The following RPAIN variants were observed in gnomAD, a reference collection of about 807,000 sequenced individuals.
The protein encoded by RPAIN is RPA-interacting protein.
RPAIN carries 29 observed loss-of-function variants against 30.5 expected under a neutral mutation model. That is an observed-to-expected ratio of 0.95 (90% confidence interval 0.71 to 1.30). The LOEUF (loss-of-function observed/expected upper bound fraction) is 1.30. RPAIN is among the 50% of genes most tolerant of loss of function. The probability of loss-of-function intolerance (pLI) is 0.00; values close to 1 mark genes in which losing one functional copy is unlikely to be tolerated. For synonymous variants in RPAIN, 101 were observed against 93.5 expected (o/e 1.08, Z -0.46); for missense variants, 247 against 264.7 (o/e 0.93, Z 0.46).
intron 5 of RPAIN, chr17:5,426,659 G>C (rs1287380136): frequency 1.1e-5 from 1 of 91,246 alleles, no homozygotes. Flanking sequence ...TTTTTTTTTT[G>C]AGACGGAGTC....
chr17:5,432,864 G>T lies in RPAIN; in HGVS notation c.*293G>T. 1 of 991,342 alleles carries T rather than the reference G, an allele frequency of 1.0e-6. No homozygotes were observed. The highest frequency in any genetic ancestry group is 1.4e-6 in the Non-Finnish European group (1 of 704,334). The allele number at this position is 991,342 out of a possible 1,614,324, so 61.4% of individuals were successfully genotyped here. ...TGTACAGAAAAAAATGATAATAAAT[G>T]AGAACACAAAACATATAATTTAAAT... On this transcript the variant is annotated 3_prime_UTR_variant, in exon 7 of 7. Transcript: ENST00000381209.
chr17:5,432,427 C>T, intron 6 of RPAIN, 115 bp from the exon 7 acceptor site: 2 of 965,640 alleles, frequency 2.1e-6, no homozygotes, highest in Admixed American at 1.8e-5. Flanking sequence ...CTAATTGAAA[C>T]TGGACTCAGG....
chr17:5,430,219 C>G (rs989305264), intron 6 of RPAIN: 5 of 151,760 alleles, frequency 3.3e-5, no homozygotes, highest in African/African-American at 1.2e-4. Flanking sequence ...AATCCCCACA[C>G]TTTGGGAGGC....
intron 6 of RPAIN, 133 bp downstream of exon 6, chr17:5,428,344 T>C: frequency 1.3e-6 from 2 of 1,539,680 alleles, no homozygotes; most frequent in Non-Finnish European, 1.8e-6. Context: ...TTTACCTGCA[T>C]AGAAAAGTGA....
At chr17:5,425,132 C>T (rs1915249262) in intron 3 of RPAIN, 3 of 337,964 alleles carry the variant, frequency 8.9e-6, no homozygotes, top group South Asian at 6.9e-5. Flanking sequence ...AACAAATAAG[C>T]GTGACTGTAG....
intron 3 of RPAIN, chr17:5,425,142 G>A (rs1915250784): frequency 2.9e-6 from 1 of 341,306 alleles, no homozygotes; most frequent in Non-Finnish European, 5.7e-6. Flanking sequence ...CGTGACTGTA[G>A]TTTTTTGACC....
intron 6 of RPAIN, chr17:5,429,140 C>A (rs1915674064): frequency 3.0e-6 from 3 of 985,176 alleles, no homozygotes; most frequent in South Asian, 9.4e-5. Flanking sequence ...AATAAGAGAA[C>A]AGAATAAACA....
At chr17:5,422,709 T>C (rs1290179297) in intron 2 of RPAIN, 60 bp from the exon 3 acceptor site, 5 of 1,497,642 alleles carry the variant, frequency 3.3e-6, no homozygotes, top group Admixed American at 1.7e-5. Flanking sequence ...TATGAATCAC[T>C]GTGGGGCTTG....
Position 5,428,130 on chromosome 17 carries a change from C to A in RPAIN, c.549C>A (p.His183Gln), listed in dbSNP as rs774604715. ...RACLEGSINE[H>Q]SAHCPHTPEF... ...GTTTAGAGGGTAGTATAAATGAGCA[C>A]AGTGCACATTGTCCCCACACACCTG... The change falls in exon 6 of 7, where the codon CAC (histidine) becomes CAA (glutamine). Residue 183 changes from histidine to glutamine, a missense_variant. Transcript: ENST00000381209. 18 of 1,613,916 alleles carry A rather than the reference C, an allele frequency of 1.1e-5. No individual in the cohort carries two copies. Among genetic ancestry groups the A allele is most frequent in the Non-Finnish European group, 1.5e-5 (18 of 1,179,946 alleles).
At chr17:5,428,526 C>A in intron 6 of RPAIN, 1 of 1,340,626 alleles carries the variant, frequency 7.5e-7, no homozygotes. Context: ...TCATAAGACC[C>A]AGATAGGCCA....
In RPAIN at chr17:5,421,408, TG is replaced by T. The variant is rs774538282; in HGVS notation, c.196del (p.Glu66LysfsTer23). On this transcript the variant is annotated frameshift_variant, in exon 2 of 7. Transcript: ENST00000381209. LOFTEE classifies it high-confidence loss of function. ...SQNSFLVQEV[M>X]EEEWNALQSV... The stretch of plus-strand genomic sequence containing the variant: ...AACAGCTTTCTAGTTCAAGAGGTGA[TG>T]GAAGAAGAGTGGAATGCTTTGCAGT... The T allele has an allele frequency of 6.2e-7, 1 of 1,614,000 alleles. No homozygotes were observed. The highest frequency in any genetic ancestry group is 1.3e-5 in the African/African-American group (1 of 74,982).
intron 6 of RPAIN, chr17:5,431,501 G>A (rs77658894): frequency 0.051 from 16,800 of 329,804 alleles, 630 homozygotes; most frequent in East Asian, 0.18. Flanking sequence ...AAAAAAAAAA[G>A]AGGAGGGGGA....
chr17:5,430,468 A>C (rs915662181), intron 6 of RPAIN: 7 of 153,386 alleles, frequency 4.6e-5, no homozygotes, highest in African/African-American at 1.7e-4. Flanking sequence ...ACTCCATCTC[A>C]AAAAAAGCAA....
intron 6 of RPAIN, chr17:5,429,360 C>G: frequency 3.0e-6 from 3 of 985,440 alleles, no homozygotes; most frequent in Non-Finnish European, 3.6e-6. Flanking sequence ...AAGCAGGAAA[C>G]TGGAGTATAT....
rs1916033051 is a variant in RPAIN, at chr17:5,432,155, C to T, written c.631-387C>T. The T allele has an allele frequency of 1.6e-5, 4 of 244,692 alleles. No homozygotes were observed. In the South Asian group the frequency reaches 1.8e-4, roughly 11 times the overall value. The allele number at this position is 244,692 out of a possible 1,614,324, so 15.2% of individuals were successfully genotyped here. The stretch of plus-strand genomic sequence containing the variant: ...GTTTGCACCTCCCCTATGATACATA[C>T]CTGCTTCAATCTTGTGTAGATTTGG... On this transcript the variant is annotated intron_variant, in intron 6 of 6. Transcript: ENST00000381209.
At chr17:5,428,582 G>A in intron 6 of RPAIN, 1 of 1,077,472 alleles carries the variant, frequency 9.3e-7, no homozygotes, top group Non-Finnish European at 1.2e-6. Context: ...AAGCATAGCA[G>A]GGCAGCATTA....
At chr17:5,420,467 A>C (rs766715517) in intron 1 of RPAIN, among the ~76,000 whole-genome samples, 176 bp downstream of exon 1, 44 of 151,984 alleles carry the variant, frequency 2.9e-4, no homozygotes, top group Admixed American at 4.6e-4. Flanking sequence ...AAGTCCTAGA[A>C]AGCCTTGTTT....
intron 2 of RPAIN, 44 bp downstream of exon 2, chr17:5,421,510 C>G (rs1269700180): frequency 6.4e-7 from 1 of 1,574,656 alleles, no homozygotes; most frequent in Non-Finnish European, 8.7e-7. Flanking sequence ...ACTGCACCAC[C>G]AAGAACGGCT....
intron 6 of RPAIN, 74 bp downstream of exon 6, chr17:5,428,285 A>T (rs1334115385): frequency 6.2e-7 from 1 of 1,608,216 alleles, no homozygotes; most frequent in Non-Finnish European, 8.5e-7. Context: ...TGATAGAAAT[A>T]ATGACCTATA....
Sources: allele counts gnomAD v4.1 joint callset (sites outside exome capture counted in the v4.1 genomes callset), GRCh38; gene constraint gnomAD v4.1.1; transcripts MANE v1.5; gene names NCBI Gene and HGNC (gene_info 2026-07-23, HGNC 2026-07-21).